The following MYO9A variants were observed in gnomAD, a reference collection of about 807,000 sequenced individuals.
MYO9A encodes the protein myosin IXA.
MYO9A carries 103 observed loss-of-function variants against 293.3 expected under a neutral mutation model. The ratio of observed to expected loss-of-function variants is 0.35; its 90% CI spans 0.30 to 0.41. The LOEUF is 0.41. MYO9A is among the 10% of genes least tolerant of loss of function. The probability of loss-of-function intolerance (pLI) is 1.00; values close to 1 mark genes in which losing one functional copy is unlikely to be tolerated. For synonymous variants in MYO9A, 1,001 were observed against 1,035.7 expected, an observed-to-expected ratio of 0.97 and a Z score of 0.64; for missense variants, 2,685 against 3,033.0, an observed-to-expected ratio of 0.89 and a Z score of 2.69.
chr15:71,888,562 T>C (rs1235893008), intron 26 of MYO9A: 3 of 152,418 alleles, frequency 2.0e-5, no homozygotes, highest in African/African-American at 7.2e-5. Context: ...AGAGATGGAA[T>C]ATGCAATGAT....
chr15:72,049,819 C>T (rs762729698), intron 1 of MYO9A, among the ~76,000 whole-genome samples: 72 of 152,310 alleles, frequency 4.7e-4, no homozygotes, highest in Admixed American at 1.0e-3. Context: ...CCCTACTACC[C>T]CATCTGTGGA....
At chr15:71,934,293 C>G (rs1274577486) in intron 17 of MYO9A, among the ~76,000 whole-genome samples, 1 of 152,096 alleles carries the variant, frequency 6.6e-6, no homozygotes. Context: ...AAGACCTGGA[C>G]AACAATCTAT....
At chr15:71,961,663 C>T (rs2075746282) in intron 13 of MYO9A, among the ~76,000 whole-genome samples, 1 of 152,118 alleles carries the variant, frequency 6.6e-6, no homozygotes, top group Non-Finnish European at 1.5e-5. Context: ...CACTCATAAC[C>T]AAATGGATGT....
At chr15:72,091,629 T>A (rs2079912410) in intron 1 of MYO9A, among the ~76,000 whole-genome samples, 3 of 152,136 alleles carry the variant, frequency 2.0e-5, no homozygotes, top group Admixed American at 2.0e-4. Context: ...GAGATATCCA[T>A]CTCCAATAAC....
chr15:71,846,465 A>C (rs575647953), intron 39 of MYO9A, among the ~76,000 whole-genome samples: 1 of 152,326 alleles, frequency 6.6e-6, no homozygotes, highest in Admixed American at 6.5e-5. Context: ...CCTGGGAGGA[A>C]GTGAGAAGAG....
At chr15:71,953,940 G>A (rs1404017779) in intron 14 of MYO9A, among the ~76,000 whole-genome samples, 2 of 151,908 alleles carry the variant, frequency 1.3e-5, no homozygotes, top group African/African-American at 4.8e-5. Flanking sequence ...TCTGTCGCCA[G>A]GCTGGAGTGC....
chr15:71,960,249 T>C (rs1403308224), intron 13 of MYO9A, 153 bp from the exon 14 acceptor site: 12 of 650,356 alleles, frequency 1.8e-5, no homozygotes, highest in Admixed American at 1.7e-4. Context: ...TAGGAGGTGT[T>C]TGGGTCATGG....
rs566322802 is a variant in MYO9A, at chr15:72,060,480, A to G, written c.-71-13846T>C. Reference sequence around the variant, plus strand: ...AGTCTTGAACTGCCAACACCACCCTATCCTCTAGCAGCAGCCATGTTGTCC... The same window carrying G: ...AGTCTTGAACTGCCAACACCACCCTGTCCTCTAGCAGCAGCCATGTTGTCC... On this transcript the variant is annotated intron_variant, in intron 1 of 41. Coordinates refer to ENST00000356056, the MANE Select transcript of MYO9A (RefSeq NM_006901.4). Among the ~76,000 whole-genome samples, 9 of 152,292 alleles carry G rather than the reference A, an allele frequency of 5.9e-5. No homozygotes were observed. In the East Asian group the frequency reaches 9.6e-4, roughly 16 times the overall value.
At chr15:72,080,921 C>A (rs2079525210) in intron 1 of MYO9A, among the ~76,000 whole-genome samples, 2 of 152,088 alleles carry the variant, frequency 1.3e-5, no homozygotes, top group Admixed American at 6.6e-5. Context: ...ACACAGTATT[C>A]CATGGTGTAT....
intron 1 of MYO9A, among the ~76,000 whole-genome samples, chr15:72,056,932 AAACGCTGTCTTTACT>A (rs2078737550): frequency 6.6e-6 from 1 of 152,184 alleles, no homozygotes; most frequent in Admixed American, 6.5e-5. Context: ...CAACATGGTG[AAACGCTGTCTTTACT>A]AAAAGTACAA....
intron 39 of MYO9A, chr15:71,847,541 G>A (rs190564781): frequency 4.1e-5 from 17 of 410,372 alleles, no homozygotes; most frequent in Admixed American, 3.8e-4. Context: ...TAAAAGAGAA[G>A]GTTTAATCTT....
At position 71,977,893 on chromosome 15, in the gene MYO9A, C is replaced by T. The variant is rs1210120629; in HGVS notation, c.1844+278G>A. On this transcript the variant is annotated intron_variant, in intron 12 of 41. Coordinates refer to ENST00000356056, the MANE Select transcript of MYO9A (RefSeq NM_006901.4). ...TGTACTAAAAATACAAAAAATTAGCCAGGCATGGTGGCGGGCACCTGTAGT... is the reference window on the plus strand; with the variant it reads ...TGTACTAAAAATACAAAAAATTAGCTAGGCATGGTGGCGGGCACCTGTAGT... Among the ~76,000 whole-genome samples, 6 of 152,124 alleles carry T rather than the reference C, an allele frequency of 3.9e-5. No homozygotes were observed. In the East Asian group the frequency reaches 7.7e-4, roughly 20 times the overall value.
At chr15:71,929,915 G>A (rs1009727719) in intron 18 of MYO9A, among the ~76,000 whole-genome samples, 6 of 152,144 alleles carry the variant, frequency 3.9e-5, no homozygotes, top group Non-Finnish European at 7.3e-5. Flanking sequence ...TAGTACTTTC[G>A]TATGGCTTTG....
chr15:71,896,093 G>T (rs904343484), intron 25 of MYO9A, among the ~76,000 whole-genome samples: 16 of 152,048 alleles, frequency 1.1e-4, no homozygotes, highest in Non-Finnish European at 1.6e-4. Flanking sequence ...TAGGTTAATG[G>T]GTGGGAATAA....
intron 1 of MYO9A, among the ~76,000 whole-genome samples, chr15:72,071,573 T>C: frequency 6.6e-6 from 1 of 152,032 alleles, no homozygotes; most frequent in Admixed American, 6.6e-5. Context: ...AAACCCCGTC[T>C]CTACCAAATA....
At chr15:71,937,607 G>A (rs925714859) in intron 16 of MYO9A, among the ~76,000 whole-genome samples, 2 of 152,208 alleles carry the variant, frequency 1.3e-5, no homozygotes, top group East Asian at 1.9e-4. Flanking sequence ...CTGGGAAACC[G>A]AAAAATTTGT....
intron 2 of MYO9A, among the ~76,000 whole-genome samples, chr15:72,037,410 T>C: frequency 6.6e-6 from 1 of 152,004 alleles, no homozygotes; most frequent in Non-Finnish European, 1.5e-5. Flanking sequence ...CCAGGATATG[T>C]CGATGCTCAC....
chr15:71,999,823 C>G, intron 9 of MYO9A, 28 bp downstream of exon 9: 1 of 1,579,660 alleles, frequency 6.3e-7, no homozygotes. Context: ...GTCCAGAATG[C>G]TTTCATTTCA....
chr15:71,992,064 G>A (rs915150355), intron 10 of MYO9A, among the ~76,000 whole-genome samples: 9 of 151,736 alleles, frequency 5.9e-5, no homozygotes, highest in East Asian at 3.9e-4. Flanking sequence ...CAGAACATAC[G>A]GTTTCGTAAA....
Sources: gnomAD v4.1 joint callset for allele counts (sites outside exome capture counted in the v4.1 genomes callset) on GRCh38, gnomAD v4.1.1 for gene constraint, MANE v1.5 for transcripts, NCBI Gene and HGNC (gene_info 2026-07-23, HGNC 2026-07-21) for gene names.